TRO: variants seen among roughly 807,000 people sequenced by gnomAD.
TRO encodes trophinin, also known as MAGE superfamily protein.
Under a neutral mutation model 42.3 loss-of-function variants are expected in TRO, and 29 were observed. The ratio of observed to expected loss-of-function variants is 0.68; its 90% CI spans 0.51 to 0.93. TRO has a LOEUF of 0.93. Ranked by LOEUF, TRO falls within the 40% of genes least tolerant of loss-of-function variation. The pLI is 0.00. For synonymous variants in TRO, 384 were observed against 425.2 expected, an observed-to-expected ratio of 0.90 and a Z score of 1.19; for missense variants, 963 against 1,127.7, an observed-to-expected ratio of 0.85 and a Z score of 2.09.
chrX:54,927,735 C>G lies in TRO; in HGVS notation c.1832C>G (p.Ser611Cys). The change falls in exon 11 of 13, where the codon TCC (serine) becomes TGC (cysteine). Residue 611 changes from serine to cysteine, a missense_variant. Coordinates refer to ENST00000173898, the MANE Select transcript of TRO (RefSeq NM_001039705.3). ...TATGAGTTCTTCTGGGGCTTGCGCT[C>G]CTACCACGAGACTAGCAAGATGAAA... The part of the protein sequence containing the change: ...PEYEFFWGLR[S>C]YHETSKMKVL... The G allele has an allele frequency of 8.3e-7, 1 of 1,211,592 alleles. No homozygotes were observed.
In TRO at chrX:54,923,243, A is replaced by G. The variant is rs754811418; in HGVS notation, c.711A>G (p.Gln237=). 5.0e-6 allele frequency: 6 copies of G among 1,209,887 alleles called. No homozygotes were observed. In the South Asian group the frequency reaches 8.8e-5, roughly 18 times the overall value. The part of the protein sequence containing the change: ...TATHTATTQG[Q]ITNETASIHT... ...CCCATACAGCTACCACCCAAGGCCAAATTACCAATGAGACAGCCAGTATCC... is the reference window on the plus strand; with the variant it reads ...CCCATACAGCTACCACCCAAGGCCAGATTACCAATGAGACAGCCAGTATCC... Residue 237 remains glutamine (Q), a synonymous_variant, in exon 3 of 13, where the codon CAA becomes CAG. Coordinates refer to ENST00000173898, the MANE Select transcript of TRO (RefSeq NM_001039705.3).
In TRO at chrX:54,923,242, A is replaced by C. The variant is rs751372435; in HGVS notation, c.710A>C (p.Gln237Pro). ...ACCCATACAGCTACCACCCAAGGCCAAATTACCAATGAGACAGCCAGTATC... is the reference window on the plus strand; with the variant it reads ...ACCCATACAGCTACCACCCAAGGCCCAATTACCAATGAGACAGCCAGTATC... ...TATHTATTQG[Q>P]ITNETASIHT... The change falls in exon 3 of 13, where the codon CAA becomes CCA. Residue 237 changes from glutamine (Q) to proline (P), a missense_variant. Gln to Pro is a moderately conservative substitution (Grantham distance 76, BLOSUM62 -1). Around this residue, in one of 2 missense-constraint regions of TRO, gnomAD observed 322 missense variants for 316.5 expected, o/e 1.02. Transcript: ENST00000173898. 3 of 1,211,890 alleles carry C rather than the reference A, an allele frequency of 2.5e-6. No individual in the cohort carries two copies. Among genetic ancestry groups the C allele is most frequent in the South Asian group, 3.5e-5 (2 of 56,943 alleles).
In TRO at chrX:54,930,728, T is replaced by C. The variant is rs757531665; in HGVS notation, c.4004T>C (p.Ile1335Thr). The C allele has an allele frequency of 5.8e-6, 7 of 1,210,626 alleles. No homozygotes were observed. The African/African-American group carries it at 1.0e-4, about 18-fold the overall frequency. ...TTCGACAGAGGACTGAGTACCATCA[T>C]TGGCTTTGGCAGTGGTTCCAACACC... is the stretch of plus-strand genomic sequence containing the variant. ...ASFDRGLSTI[I>T]GFGSGSNTST... Residue 1335 changes from isoleucine (I) to threonine (T), a missense_variant, in exon 12 of 13, where the codon ATT becomes ACT. Ile to Thr is a moderately conservative substitution (Grantham distance 89). This residue lies in a region of TRO where 641 missense variants were observed against 811.3 expected (regional missense o/e 0.79). Coordinates refer to ENST00000173898, the MANE Select transcript of TRO (RefSeq NM_001039705.3).
Position 54,926,631 on chromosome X carries a change from A to T in TRO, c.1700+6A>T, listed in dbSNP as rs762747354. ...AAGTTGGGGCTGCGCCCTGGGTATG[A>T]CTGGGCTCTCTCAGCGCTTGCTGTC... is the stretch of plus-strand genomic sequence containing the variant. On this transcript the variant is annotated splice_donor_region_variant and intron_variant, in intron 9 of 12. Coordinates refer to ENST00000173898, the MANE Select transcript of TRO (RefSeq NM_001039705.3). The T allele has an allele frequency of 5.0e-6, 6 of 1,211,029 alleles. No individual in the cohort carries two copies. In the South Asian group the frequency reaches 8.8e-5, roughly 18 times the overall value.
In TRO at chrX:54,930,497, G is replaced by C. The variant is rs1933060121; in HGVS notation, c.3773G>C (p.Gly1258Ala). ...GGTGGAGGACCAGGCACCAGCACTG[G>C]TTTTGGTGGTGGACTGGGCACCAGT... ...GFGGGPGTSTGFGGGLGTSAG... is the reference protein window; with the variant it reads ...GFGGGPGTSTAFGGGLGTSAG... Residue 1258 changes from glycine (G) to alanine (A), a missense_variant, in exon 12 of 13, where the codon GGT (glycine) becomes GCT (alanine). Transcript: ENST00000173898. 1 of 1,211,711 alleles carries C rather than the reference G, an allele frequency of 8.3e-7. No individual in the cohort carries two copies. Among genetic ancestry groups the C allele is most frequent in the African/African-American group, 1.7e-5 (1 of 57,858 alleles).
At chrX:54,923,807 CTT>C in intron 3 of TRO, 39 bp downstream of exon 3, 1 of 1,128,720 alleles carries the variant, frequency 8.9e-7, no homozygotes, top group African/African-American at 1.8e-5. Flanking sequence ...CTTTGTGCTT[CTT>C]TTCCATTTCT....
chrX:54,929,644 A>T lies in TRO; in HGVS notation c.2920A>T (p.Asn974Tyr). Residue 974 changes from asparagine (N) to tyrosine (Y), a missense_variant, in exon 12 of 13, where the codon AAC becomes TAC. Transcript: ENST00000173898. ...STGAGFGGAL[N>Y]TSASFGSVLN... ...TGGTGCTGGCTTTGGTGGTGCTCTC[A>T]ACACCAGTGCCAGCTTTGGCAGTGT... 8.3e-7 allele frequency: 1 copy of T among 1,210,391 alleles called. No individual in the cohort carries two copies. Among genetic ancestry groups the T allele is most frequent in the South Asian group, 1.8e-5 (1 of 56,872 alleles).
chrX:54,930,243 T>C lies in TRO; in HGVS notation c.3519T>C (p.Pro1173=). ...CTAACCTATGCTTTGGTGGCCCTCC[T>C]AGCACCAGTGCCTGCTTTAGTGGTG... ...SNTNLCFGGP[P]STSACFSGAT... The change falls in exon 12 of 13, where the codon CCT becomes CCC. Residue 1173 remains proline (P), a synonymous_variant. Coordinates refer to ENST00000173898, the MANE Select transcript of TRO (RefSeq NM_001039705.3). The C allele has an allele frequency of 8.3e-7, 1 of 1,211,442 alleles. No homozygotes were observed. Among genetic ancestry groups the C allele is most frequent in the Non-Finnish European group, 1.1e-6 (1 of 895,281 alleles).
chrX:54,923,361 G>T lies in TRO; in HGVS notation c.829G>T (p.Ala277Ser). ...AAATACTGACACTGAGCATATAGAG[G>T]CTCTAAATGTCACTGACGCAGCTAC... ...VINTDTEHIEALNVTDAATRQ... is the reference protein window; with the variant it reads ...VINTDTEHIESLNVTDAATRQ... The change falls in exon 3 of 13, where the codon GCT becomes TCT. Residue 277 changes from alanine to serine, a missense_variant. By Grantham distance (99) the Ala-to-Ser change is moderately conservative. Transcript: ENST00000173898. The T allele has an allele frequency of 1.7e-6, 2 of 1,207,819 alleles. No homozygotes were observed. Among genetic ancestry groups the T allele is most frequent in the Non-Finnish European group, 1.1e-6 (1 of 893,430 alleles).
At position 54,923,386 on chromosome X, in the gene TRO, C is replaced by T; in HGVS notation, c.854C>T (p.Thr285Ile). 8.3e-7 allele frequency: 1 copy of T among 1,204,869 alleles called. No homozygotes were observed. ...GCTCTAAATGTCACTGACGCAGCTA[C>T]CAGGCAGATTGAGGCCTCAGTAGTG... ...IEALNVTDAA[T>I]RQIEASVVAI... The change falls in exon 3 of 13, where the codon ACC becomes ATC. Residue 285 changes from threonine (T) to isoleucine (I), a missense_variant. Around this residue, in one of 2 missense-constraint regions of TRO, gnomAD observed 322 missense variants for 316.5 expected, o/e 1.02. Transcript: ENST00000173898.
chrX:54,924,372 CT>C, intron 3 of TRO, 78 bp from the exon 4 acceptor site: 1 of 942,232 alleles, frequency 1.1e-6, no homozygotes. Flanking sequence ...GACTTTCTGT[CT>C]GGAGCAGGCA....
At position 54,922,694 on chromosome X, in the gene TRO, C is replaced by T; in HGVS notation, c.162C>T (p.Asp54=). 2 of 1,211,098 alleles carry T rather than the reference C, an allele frequency of 1.7e-6. No homozygotes were observed. Among genetic ancestry groups the T allele is most frequent in the South Asian group, 3.5e-5 (2 of 56,835 alleles). Reference sequence around the variant, plus strand: ...ATACCCTGTTGGCGGCAACCAAGGACTCCCTGGCCATGGACCCACCAGTTG... The same window carrying T: ...ATACCCTGTTGGCGGCAACCAAGGATTCCCTGGCCATGGACCCACCAGTTG... The part of the protein sequence containing the change: ...LMHTLLAATK[D]SLAMDPPVVN... The change falls in exon 3 of 13, where the codon GAC becomes GAT. Residue 54 remains aspartate, a synonymous_variant. Coordinates refer to ENST00000173898, the MANE Select transcript of TRO (RefSeq NM_001039705.3).
In TRO at chrX:54,923,367, A is replaced by C. The variant is rs769974926; in HGVS notation, c.835A>C (p.Asn279His). The C allele has an allele frequency of 8.3e-7, 1 of 1,206,954 alleles. No homozygotes were observed. Among genetic ancestry groups the C allele is most frequent in the Non-Finnish European group, 1.1e-6 (1 of 892,939 alleles). Residue 279 changes from asparagine (N) to histidine (H), a missense_variant, in exon 3 of 13, where the codon AAT becomes CAT. By Grantham distance (68) the Asn-to-His change is moderately conservative (BLOSUM62 1). Around this residue, in one of 2 missense-constraint regions of TRO, gnomAD observed 322 missense variants for 316.5 expected, o/e 1.02. Coordinates refer to ENST00000173898, the MANE Select transcript of TRO (RefSeq NM_001039705.3). ...NTDTEHIEAL[N>H]VTDAATRQIE... ...TGACACTGAGCATATAGAGGCTCTA[A>C]ATGTCACTGACGCAGCTACCAGGCA...
In TRO at chrX:54,930,625, A is replaced by G. The variant is rs758327550; in HGVS notation, c.3901A>G (p.Ser1301Gly). ...GGLGTNASFG[S>G]TLGTSAGFSG... is the part of the protein sequence containing the mutation. ...ACTGGGCACCAATGCTAGTTTCGGC[A>G]GCACACTTGGCACCAGTGCTGGCTT... is the stretch of plus-strand genomic sequence containing the variant. Residue 1301 changes from serine (S) to glycine (G), a missense_variant, in exon 12 of 13, where the codon AGC (serine) becomes GGC (glycine). This residue lies in a region of TRO where 641 missense variants were observed against 811.3 expected (regional missense o/e 0.79). Coordinates refer to ENST00000173898, the MANE Select transcript of TRO (RefSeq NM_001039705.3). The G allele has an allele frequency of 1.7e-6, 2 of 1,206,268 alleles. No homozygotes were observed. Among genetic ancestry groups the G allele is most frequent in the Admixed American group, 4.4e-5 (2 of 45,658 alleles).
Position 54,927,768 on chromosome X carries a change from A to C in TRO, c.1865A>C (p.Lys622Thr), listed in dbSNP as rs1932816496. ...YHETSKMKVL[K>T]FACRVQKKDP... is the part of the protein sequence containing the mutation. The stretch of plus-strand genomic sequence containing the variant: ...GAGACTAGCAAGATGAAAGTCCTCA[A>C]GTTTGCATGCAGGGTAAGAGGAGAG... The change falls in exon 11 of 13, where the codon AAG (lysine) becomes ACG (threonine). Residue 622 changes from lysine (K) to threonine (T), a missense_variant. This residue lies in a region of TRO where 641 missense variants were observed against 811.3 expected (regional missense o/e 0.79). Coordinates refer to ENST00000173898, the MANE Select transcript of TRO (RefSeq NM_001039705.3). 3.3e-6 allele frequency: 4 copies of C among 1,208,022 alleles called. No homozygotes were observed. Among genetic ancestry groups the C allele is most frequent in the Non-Finnish European group, 4.5e-6 (4 of 893,930 alleles).
chrX:54,922,045 A>C (rs1214162756), intron 1 of TRO, 158 bp from the exon 2 acceptor site: 8 of 391,089 alleles, frequency 2.0e-5, no homozygotes, highest in Non-Finnish European at 3.5e-5. Context: ...CTCGGAGGCA[A>C]AAGGAGCTGG....
rs1932980774 is a variant in TRO, at chrX:54,930,010, A to G, written c.3286A>G (p.Asn1096Asp). The G allele has an allele frequency of 4.1e-6, 5 of 1,211,809 alleles. No individual in the cohort carries two copies. The African/African-American group carries it at 5.2e-5, about 13-fold the overall frequency. Residue 1096 changes from asparagine to aspartate, a missense_variant, in exon 12 of 13, where the codon AAC becomes GAC. Around this residue, in one of 2 missense-constraint regions of TRO, gnomAD observed 641 missense variants for 811.3 expected, o/e 0.79. Coordinates refer to ENST00000173898, the MANE Select transcript of TRO (RefSeq NM_001039705.3). The stretch of plus-strand genomic sequence containing the variant: ...TTGCTTCAGTGGTGCACCAATCACC[A>G]ACCCTGGCTTTGGCGGTGCATTTAG... ...SACFSGAPIT[N>D]PGFGGAFSTS...
At position 54,924,512 on chromosome X, in the gene TRO, G is replaced by A. The variant is rs371236896; in HGVS notation, c.1298G>A (p.Arg433Gln). 8.3e-6 allele frequency: 10 copies of A among 1,208,065 alleles called. No homozygotes were observed. The African/African-American group carries it at 8.7e-5, about 11-fold the overall frequency. ...GSNYRRIPWG[R>Q]RPAPPRDVAI... ...AATTACAGGCGGATCCCATGGGGCC[G>A]GAGGCCTGCACCACCGCGAGATGTG... is the stretch of plus-strand genomic sequence containing the variant. Residue 433 changes from arginine (R) to glutamine (Q), a missense_variant, in exon 4 of 13, where the codon CGG becomes CAG. By Grantham distance (43) the Arg-to-Gln change is conservative. Coordinates refer to ENST00000173898, the MANE Select transcript of TRO (RefSeq NM_001039705.3).
Position 54,930,309 on chromosome X carries a change from C to T in TRO, c.3585C>T (p.Thr1195=), listed in dbSNP as rs781271432. The change falls in exon 12 of 13, where the codon ACC becomes ACT. Residue 1195 remains threonine (T), a synonymous_variant. Transcript: ENST00000173898. ...TTTGTGATGGACCCAGCACCAGTAC[C>T]GGTTTCAGCTTTGGCAATGGGTTAA... ...PSFCDGPSTS[T]GFSFGNGLST... is the part of the protein sequence containing the mutation. 58 of 1,210,776 alleles carry T rather than the reference C, an allele frequency of 4.8e-5. No homozygotes were observed. The highest frequency in any genetic ancestry group is 2.3e-4 in the Middle Eastern group (1 of 4,373).
Sources: allele counts gnomAD v4.1 joint callset, GRCh38; gene constraint gnomAD v4.1.1; regional missense constraint gnomAD v4.1.1; transcripts MANE v1.5; gene names NCBI Gene and HGNC (gene_info 2026-07-23, HGNC 2026-07-21).